The following ARID4A variants were observed in gnomAD, a reference collection of about 807,000 sequenced individuals.
The protein encoded by ARID4A is AT-rich interaction domain 4A.
Under a neutral mutation model 148.6 loss-of-function variants are expected in ARID4A, and 39 were observed. The ratio of observed to expected loss-of-function variants is 0.26; its 90% CI spans 0.20 to 0.34. The LOEUF (loss-of-function observed/expected upper bound fraction) is 0.34. ARID4A is among the 10% of genes least tolerant of loss of function. ARID4A has a pLI of 1.00. For missense variants in ARID4A, 1,265 were observed against 1,449.1 expected (o/e 0.87, Z 2.06); for synonymous variants, 475 against 481.2 (o/e 0.99, Z 0.17).
intron 5 of ARID4A, among the ~76,000 whole-genome samples, chr14:58,308,277 A>G (rs967858210): frequency 6.6e-6 from 1 of 152,242 alleles, no homozygotes; most frequent in Admixed American, 6.5e-5. Flanking sequence ...GGTATCAAGC[A>G]TTAGTGGACA....
At chr14:58,370,769 C>T (rs1327182433) in intron 23 of ARID4A, among the ~76,000 whole-genome samples, 1 of 111,854 alleles carries the variant, frequency 8.9e-6, no homozygotes, top group Admixed American at 1.0e-4. Context: ...CCACCACACC[C>T]AGCTAATTTT....
chr14:58,311,606 A>G (rs1010138395), intron 5 of ARID4A, among the ~76,000 whole-genome samples: 1 of 152,212 alleles, frequency 6.6e-6, no homozygotes. Context: ...CAAAGAATTA[A>G]ACTAGTATGT....
chr14:58,321,074 T>A (rs558939992), intron 7 of ARID4A, among the ~76,000 whole-genome samples: 1 of 152,224 alleles, frequency 6.6e-6, no homozygotes, highest in Non-Finnish European at 1.5e-5. Context: ...TTGTCCCATA[T>A]CTGGTGATAC....
chr14:58,340,809 C>T (rs2034082901), intron 11 of ARID4A, among the ~76,000 whole-genome samples: 1 of 152,218 alleles, frequency 6.6e-6, no homozygotes, highest in South Asian at 2.1e-4. Context: ...AGAACATCCT[C>T]AACTATTCTT....
intron 23 of ARID4A, among the ~76,000 whole-genome samples, chr14:58,369,368 G>A (rs907793246): frequency 1.3e-5 from 2 of 152,138 alleles, no homozygotes; most frequent in Non-Finnish European, 2.9e-5. Context: ...GCTCACGCCT[G>A]TAATCCCAGC....
intron 10 of ARID4A, 89 bp downstream of exon 10, chr14:58,329,693 C>T (rs2033412614): frequency 1.7e-6 from 2 of 1,175,978 alleles, no homozygotes. Flanking sequence ...TCTCTGGTAC[C>T]ACCATTTTAA....
At chr14:58,354,057 C>T (rs1278064785) in intron 17 of ARID4A, among the ~76,000 whole-genome samples, 2 of 152,136 alleles carry the variant, frequency 1.3e-5, no homozygotes, top group East Asian at 1.9e-4. Context: ...AGGATCACAC[C>T]TGTAGTTAGA....
At chr14:58,342,057 T>C (rs1432800591) in intron 11 of ARID4A, among the ~76,000 whole-genome samples, 3 of 152,152 alleles carry the variant, frequency 2.0e-5, no homozygotes, top group Non-Finnish European at 2.9e-5. Flanking sequence ...AAGAGCCCCA[T>C]ACAAAAGTCA....
At chr14:58,369,675 A>G (rs914664903) in intron 23 of ARID4A, among the ~76,000 whole-genome samples, 15 of 152,120 alleles carry the variant, frequency 9.9e-5, no homozygotes, top group Non-Finnish European at 1.5e-5. Flanking sequence ...ATATATAAAA[A>G]GAAATGGATC....
chr14:58,344,797 T>C lies in ARID4A; in HGVS notation c.979+30T>C, dbSNP rs201753078. 121 of 1,515,018 alleles carry C rather than the reference T, an allele frequency of 8.0e-5. No individual in the cohort carries two copies. In the African/African-American group the frequency reaches 1.6e-3, roughly 20 times the overall value. The allele number at this position is 1,515,018 out of a possible 1,614,324, so 93.8% of individuals were successfully genotyped here. On this transcript the variant is annotated intron_variant, in intron 12 of 23. Transcript: ENST00000355431. ...TTTCATGCTCATTATTTTAAAGTAG[T>C]CATTTCTTTTTCATGTTTACATTCT...
intron 15 of ARID4A, among the ~76,000 whole-genome samples, chr14:58,349,087 A>G (rs2034511404): frequency 6.6e-6 from 1 of 152,186 alleles, no homozygotes; most frequent in African/African-American, 2.4e-5. Context: ...AGGTACTTTT[A>G]TATAAGTGAA....
At position 58,323,636 on chromosome 14, in the gene ARID4A, C is replaced by T; in HGVS notation, c.582+19C>T. The T allele has an allele frequency of 6.3e-7, 1 of 1,582,452 alleles. No homozygotes were observed. Among genetic ancestry groups the T allele is most frequent in the Non-Finnish European group, 8.7e-7 (1 of 1,154,524 alleles). The stretch of plus-strand genomic sequence containing the variant: ...TGCTTTGGTAAGTAAAGTTTCTTTG[C>T]AGAGTTAATCAGCCGTCTAAATATT... On this transcript the variant is annotated intron_variant, in intron 8 of 23. Coordinates refer to ENST00000355431, the MANE Select transcript of ARID4A (RefSeq NM_002892.4).
chr14:58,302,144 G>T (rs1351867706), intron 3 of ARID4A, among the ~76,000 whole-genome samples: 1 of 152,208 alleles, frequency 6.6e-6, no homozygotes, highest in Admixed American at 6.5e-5. Context: ...GATCACTTGA[G>T]GCCAGGAGTT....
chr14:58,336,457 T>C (rs2033819881), intron 11 of ARID4A, among the ~76,000 whole-genome samples: 1 of 152,230 alleles, frequency 6.6e-6, no homozygotes, highest in Non-Finnish European at 1.5e-5. Flanking sequence ...ACTATTTGTT[T>C]TGTTTGCTTT....
Position 58,365,002 on chromosome 14 carries a change from T to C in ARID4A, c.2913T>C (p.Asp971=), listed in dbSNP as rs1487288972. ...EVDLDDLDEK[D]KTSIEDVAVE... is the part of the protein sequence containing the mutation. ...ATTTGGATGATTTGGATGAAAAGGA[T>C]AAGACCAGCATTGAGGATGTAGCAG... is the stretch of plus-strand genomic sequence containing the variant. The change falls in exon 20 of 24, where the codon GAT becomes GAC. Residue 971 remains aspartate, a synonymous_variant. Coordinates refer to ENST00000355431, the MANE Select transcript of ARID4A (RefSeq NM_002892.4). The C allele has an allele frequency of 6.2e-7, 1 of 1,614,160 alleles. No individual in the cohort carries two copies. The highest frequency in any genetic ancestry group is 1.1e-5 in the South Asian group (1 of 91,084).
chr14:58,329,453 T>C lies in ARID4A; in HGVS notation c.663-75T>C, dbSNP rs1201183626. On this transcript the variant is annotated intron_variant, in intron 9 of 23. Coordinates refer to ENST00000355431, the MANE Select transcript of ARID4A (RefSeq NM_002892.4). ...TGATTTTGAGGTTTTTATTTTTCTATGTGTTAACATGAACTATTTAAGTGA... is the reference window on the plus strand; with the variant it reads ...TGATTTTGAGGTTTTTATTTTTCTACGTGTTAACATGAACTATTTAAGTGA... The C allele has an allele frequency of 4.2e-6, 4 of 944,986 alleles. No homozygotes were observed. In the African/African-American group the frequency reaches 6.7e-5, roughly 16 times the overall value. The allele number at this position is 944,986 out of a possible 1,614,324, so 58.5% of individuals were successfully genotyped here. A position where few individuals can be genotyped will look rare whatever the true frequency, so the allele number is the denominator to read the frequency against.
At chr14:58,345,060 T>C (rs2034293704) in intron 12 of ARID4A, among the ~76,000 whole-genome samples, 1 of 151,898 alleles carries the variant, frequency 6.6e-6, no homozygotes, top group Non-Finnish European at 1.5e-5. Context: ...TTCTATTTTT[T>C]GTAGAGACGG....
chr14:58,344,565 T>G lies in ARID4A; in HGVS notation c.907-130T>G, dbSNP rs1413048697. 1.5e-5 allele frequency: 9 copies of G among 619,750 alleles called. No homozygotes were observed. The East Asian group carries it at 2.6e-4, about 18-fold the overall frequency. The allele number at this position is 619,750 out of a possible 1,614,324, so 38.4% of individuals were successfully genotyped here. A position where few individuals can be genotyped will look rare whatever the true frequency, so the allele number is the denominator to read the frequency against. The stretch of plus-strand genomic sequence containing the variant: ...TGACTTAAAATCTGTCATTGTAGGA[T>G]ATTGAGAAAATTCAGATTTTTCAGC... On this transcript the variant is annotated intron_variant, in intron 11 of 23. Coordinates refer to ENST00000355431, the MANE Select transcript of ARID4A (RefSeq NM_002892.4).
intron 2 of ARID4A, 77 bp from the exon 3 acceptor site, chr14:58,301,503 C>A: frequency 1.0e-6 from 1 of 986,018 alleles, no homozygotes; most frequent in Non-Finnish European, 1.5e-6. Flanking sequence ...GCTTCAAACA[C>A]AACCTTTTAA....
Sources: allele counts gnomAD v4.1 joint callset (sites outside exome capture counted in the v4.1 genomes callset), GRCh38; gene constraint gnomAD v4.1.1; transcripts MANE v1.5; gene names NCBI Gene and HGNC (gene_info 2026-07-23, HGNC 2026-07-21).